VGLL3: variants seen among roughly 807,000 people sequenced by gnomAD.
VGLL3 encodes the protein transcription cofactor vestigial-like protein 3.
In VGLL3, 18 loss-of-function variants were observed where a neutral mutation model predicts 29.2. The ratio of observed to expected loss-of-function variants is 0.62; its 90% CI spans 0.43 to 0.91. The LOEUF (loss-of-function observed/expected upper bound fraction) is 0.91, where lower values mean the gene tolerates loss of function less well. VGLL3 is among the 40% of genes least tolerant of loss of function. The pLI is 0.00. For synonymous variants in VGLL3, 180 were observed against 151.8 expected, an observed-to-expected ratio of 1.19 and a Z score of -1.36; for missense variants, 440 against 413.2, an observed-to-expected ratio of 1.06 and a Z score of -0.56.
At chr3:86,976,116 A>T (rs1237726735) in intron 2 of VGLL3, among the ~76,000 whole-genome samples, 1 of 150,208 alleles carries the variant, frequency 6.7e-6, no homozygotes, top group Non-Finnish European at 1.5e-5. Flanking sequence ...CTCCATCTCA[A>T]AAAAAAAAAG....
At chr3:86,977,830 A>G (rs1705241603) in intron 2 of VGLL3, among the ~76,000 whole-genome samples, 1 of 152,240 alleles carries the variant, frequency 6.6e-6, no homozygotes, top group African/African-American at 2.4e-5. Context: ...GGAATGACGT[A>G]TTATGTTTTT....
At chr3:86,947,893 A>G (rs1704537590) in intron 3 of VGLL3, among the ~76,000 whole-genome samples, 1 of 152,088 alleles carries the variant, frequency 6.6e-6, no homozygotes, top group Non-Finnish European at 1.5e-5. Context: ...ATAATTTCTG[A>G]TATGGGCAAT....
intron 3 of VGLL3, among the ~76,000 whole-genome samples, chr3:86,948,958 C>T (rs1455621743): frequency 1.3e-5 from 2 of 152,180 alleles, no homozygotes; most frequent in Non-Finnish European, 2.9e-5. Flanking sequence ...ACCACCTTTA[C>T]TGACAATCTG....
chr3:86,990,365 G>C, intron 1 of VGLL3: 3 of 985,412 alleles, frequency 3.0e-6, no homozygotes, highest in Non-Finnish European at 3.6e-6. Context: ...AGGGTGCCTA[G>C]GAGGAGCAGC....
intron 3 of VGLL3, among the ~76,000 whole-genome samples, chr3:86,961,743 C>A (rs1027723748): frequency 6.6e-6 from 1 of 152,102 alleles, no homozygotes; most frequent in African/African-American, 2.4e-5. Context: ...CCCTTGTTAA[C>A]CTAGGTTACA....
chr3:86,983,724 T>A (rs1705377536), intron 1 of VGLL3, among the ~76,000 whole-genome samples: 1 of 152,166 alleles, frequency 6.6e-6, no homozygotes, highest in African/African-American at 2.4e-5. Context: ...AGATTTTGGT[T>A]CTTAGTCTAT....
In VGLL3 at chr3:86,942,485, A is replaced by G. The variant is rs1395959461; in HGVS notation, c.*4539T>C. 6.6e-6 allele frequency: 1 copy of G among 152,158 alleles called. No individual in the cohort carries two copies. Among genetic ancestry groups the G allele is most frequent in the African/African-American group, 2.4e-5 (1 of 41,426 alleles). The allele number at this position is 152,158 out of a possible 1,614,324, so 9.4% of individuals were successfully genotyped here. On this transcript the variant is annotated 3_prime_UTR_variant, in exon 4 of 4. Coordinates refer to ENST00000398399, the MANE Select transcript of VGLL3 (RefSeq NM_016206.4). ...TTTAATGCGGAAGATTTTTTCCACC[A>G]TATTTTCCAACTTTCCTTCAAGTCA...
chr3:86,938,445 G>A lies in VGLL3; in HGVS notation c.*8579C>T, dbSNP rs2106936687. 6.5e-6 allele frequency: 1 copy of A among 152,750 alleles called. No homozygotes were observed. The highest frequency in any genetic ancestry group is 1.9e-4 in the East Asian group (1 of 5,190). 9.5% of individuals were successfully genotyped at this position (152,750 alleles called of 1,614,324 possible). ...TCCTTTTAGCAAGATCCACAAGAAA[G>A]GATAGAGTGTCATGCTTAAAGGGGA... On this transcript the variant is annotated 3_prime_UTR_variant, in exon 4 of 4. Coordinates refer to ENST00000398399, the MANE Select transcript of VGLL3 (RefSeq NM_016206.4).
intron 3 of VGLL3, among the ~76,000 whole-genome samples, chr3:86,952,954 G>A (rs1704645592): frequency 6.6e-6 from 1 of 152,054 alleles, no homozygotes. Flanking sequence ...TGAGCCCTGA[G>A]GCAATCACTT....
chr3:86,977,797 C>T (rs564368910), intron 2 of VGLL3, among the ~76,000 whole-genome samples: 1 of 152,170 alleles, frequency 6.6e-6, no homozygotes, highest in Non-Finnish European at 1.5e-5. Flanking sequence ...ACCACTGTAG[C>T]AAATTTCTCT....
intron 3 of VGLL3, among the ~76,000 whole-genome samples, chr3:86,955,492 C>T (rs767237392): frequency 7.9e-5 from 12 of 151,088 alleles, no homozygotes; most frequent in South Asian, 6.3e-4. Context: ...TGGGTTCAAG[C>T]GATTCTCATG....
chr3:86,964,072 C>A (rs753235601), intron 3 of VGLL3, among the ~76,000 whole-genome samples: 8 of 152,024 alleles, frequency 5.3e-5, no homozygotes, highest in Non-Finnish European at 8.8e-5. Context: ...ATTAAGAATG[C>A]AGGAGTGAAT....
At chr3:86,975,317 T>C (rs1454379201) in intron 2 of VGLL3, among the ~76,000 whole-genome samples, 1 of 152,210 alleles carries the variant, frequency 6.6e-6, no homozygotes, top group Non-Finnish European at 1.5e-5. Flanking sequence ...ACATTTTCTA[T>C]ATTTTTAATT....
chr3:86,983,993 A>G (rs527433750), intron 1 of VGLL3, among the ~76,000 whole-genome samples: 2 of 152,322 alleles, frequency 1.3e-5, no homozygotes, highest in East Asian at 1.9e-4. Flanking sequence ...ACTAAAGAAA[A>G]TGTGTCTCTA....
At chr3:86,947,139 C>A in intron 3 of VGLL3, 72 bp from the exon 4 acceptor site, 1 of 772,828 alleles carries the variant, frequency 1.3e-6, no homozygotes, top group Non-Finnish European at 2.4e-6. Flanking sequence ...GCATAATCTG[C>A]AATACATTGG....
At position 86,978,857 on chromosome 3, in the gene VGLL3, A is replaced by G. The variant is rs1187065010; in HGVS notation, c.127-55T>C. The G allele has an allele frequency of 8.0e-6, 12 of 1,492,860 alleles. No homozygotes were observed. In the African/African-American group the frequency reaches 1.6e-4, roughly 19 times the overall value. 92.5% of individuals were successfully genotyped at this position (1,492,860 alleles called of 1,614,324 possible). ...AAAGACAGTTTGTAGAAAAGCATTCACTAGTTAAGTTTTCACTTTTTTAAA... is the reference window on the plus strand; with the variant it reads ...AAAGACAGTTTGTAGAAAAGCATTCGCTAGTTAAGTTTTCACTTTTTTAAA... On this transcript the variant is annotated intron_variant, in intron 1 of 3. Coordinates refer to ENST00000398399, the MANE Select transcript of VGLL3 (RefSeq NM_016206.4).
chr3:86,990,560 C>G, intron 1 of VGLL3, 58 bp downstream of exon 1: 3 of 1,311,458 alleles, frequency 2.3e-6, no homozygotes, highest in South Asian at 6.2e-5. Context: ...AGCCCCAGAC[C>G]GATACTCTCG....
chr3:86,963,251 T>A (rs1021023457), intron 3 of VGLL3, among the ~76,000 whole-genome samples: 1 of 152,172 alleles, frequency 6.6e-6, no homozygotes, highest in Non-Finnish European at 1.5e-5. Flanking sequence ...AAATCGTACC[T>A]AGCCCCAAAA....
At chr3:86,974,771 A>G (rs561381632) in intron 2 of VGLL3, among the ~76,000 whole-genome samples, 1 of 152,260 alleles carries the variant, frequency 6.6e-6, no homozygotes, top group Non-Finnish European at 1.5e-5. Flanking sequence ...AGACCCTTTA[A>G]TACTCGGTCA....
Sources: gnomAD v4.1 joint callset for allele counts (sites outside exome capture counted in the v4.1 genomes callset) on GRCh38, gnomAD v4.1.1 for gene constraint, MANE v1.5 for transcripts, NCBI Gene and HGNC (gene_info 2026-07-23, HGNC 2026-07-21) for gene names.